CTNNA2: variants seen among roughly 807,000 people sequenced by gnomAD.
CTNNA2 encodes catenin alpha-2.
CTNNA2 carries 42 observed loss-of-function variants against 101.0 expected under a neutral mutation model. The ratio of observed to expected loss-of-function variants is 0.42; its 90% confidence interval spans 0.32 to 0.54. The LOEUF is 0.54. Among genes scored for constraint, CTNNA2 ranks in the 20% least tolerant of loss-of-function variants. CTNNA2 has a pLI of 0.14. For missense variants in CTNNA2, 871 were observed against 1,223.1 expected (o/e 0.71, Z 4.29); for synonymous variants, 450 against 456.4 (o/e 0.99, Z 0.18).
At chr2:80,170,517 G>A (rs145557016) in intron 7 of CTNNA2, among the ~76,000 whole-genome samples, 167 of 152,260 alleles carry the variant, frequency 1.1e-3, no homozygotes, top group Non-Finnish European at 1.7e-3. Context: ...AGGCAGGACT[G>A]ACTCCAGTCT....
chr2:79,213,699 G>A (rs1228101792), intron 2 of CTNNA2, among the ~76,000 whole-genome samples: 1 of 152,200 alleles, frequency 6.6e-6, no homozygotes, highest in Non-Finnish European at 1.5e-5. Context: ...GTCAGCTGTG[G>A]TATCCAGAAT....
rs1419227446 is a variant in CTNNA2 at position 79,880,327 on chromosome 2, TC to T, written c.852+5987del. On this transcript the variant is annotated intron_variant, in intron 6 of 18. Transcript: ENST00000402739. The stretch of plus-strand genomic sequence containing the variant: ...GTTTCAGTATCAAGATGATGCGGGC[TC>T]CATAAAATGAGTTAGGGAGGAGTCC... 7.2e-5 allele frequency among the ~76,000 whole-genome samples: 11 copies of T among 152,268 alleles called. No homozygotes were observed. In the South Asian group the frequency reaches 2.3e-3, roughly 32 times the overall value.
In CTNNA2 at chr2:79,366,342, C is replaced by T. The variant is rs574160367; in HGVS notation, c.-317-7489C>T. 7.2e-5 allele frequency among the ~76,000 whole-genome samples: 11 copies of T among 152,226 alleles called. No individual in the cohort carries two copies. In the South Asian group the frequency reaches 1.9e-3, roughly 26 times the overall value. On this transcript the variant is annotated intron_variant, in intron 3 of 21. Transcript: ENST00000466387. Reference sequence around the variant, plus strand: ...GTTTTCATACAAGTGGAACACAGGCCGGCTAGGAACAAAGATTTTTCTTCC... The same window carrying T: ...GTTTTCATACAAGTGGAACACAGGCTGGCTAGGAACAAAGATTTTTCTTCC...
chr2:79,526,482 C>T (rs375264011), intron 1 of CTNNA2, among the ~76,000 whole-genome samples: 2 of 151,528 alleles, frequency 1.3e-5, no homozygotes, highest in Admixed American at 6.6e-5. Context: ...TTGCTATGCT[C>T]ATTCTAAAAT....
chr2:79,544,238 G>C (rs1673593468), intron 1 of CTNNA2, among the ~76,000 whole-genome samples: 2 of 152,124 alleles, frequency 1.3e-5, no homozygotes, highest in Non-Finnish European at 2.9e-5. Context: ...GCGCCCAGCT[G>C]GTTTGGGAAA....
intron 1 of CTNNA2, among the ~76,000 whole-genome samples, chr2:79,553,070 A>G (rs1404471690): frequency 6.6e-6 from 1 of 151,660 alleles, no homozygotes; most frequent in Non-Finnish European, 1.5e-5. Flanking sequence ...AACTTTTACA[A>G]CTCTGCTTCC....
chr2:80,345,876 C>A (rs944507025), intron 7 of CTNNA2, among the ~76,000 whole-genome samples: 16 of 152,028 alleles, frequency 1.1e-4, no homozygotes, highest in Non-Finnish European at 1.0e-4. Flanking sequence ...CATACGTGGC[C>A]TAGAGGAAGA....
intron 2 of CTNNA2, among the ~76,000 whole-genome samples, chr2:79,296,295 T>C (rs1675978111): frequency 6.6e-6 from 1 of 152,180 alleles, no homozygotes; most frequent in Non-Finnish European, 1.5e-5. Flanking sequence ...CAGTGCTCTT[T>C]TCACCAATCT....
intron 9 of CTNNA2, among the ~76,000 whole-genome samples, chr2:80,500,007 GT>G: frequency 6.6e-6 from 1 of 150,880 alleles, no homozygotes; most frequent in Non-Finnish European, 1.5e-5. Context: ...TCCTTGCCAT[GT>G]AAGTCTTAAA....
chr2:80,570,476 T>C (rs1274680823), intron 12 of CTNNA2, among the ~76,000 whole-genome samples: 1 of 152,188 alleles, frequency 6.6e-6, no homozygotes, highest in Non-Finnish European at 1.5e-5. Context: ...TGAACTGTGC[T>C]TAGGATTGGT....
chr2:79,687,812 C>T (rs1038571673), intron 2 of CTNNA2: 4 of 454,926 alleles, frequency 8.8e-6, no homozygotes, highest in African/African-American at 6.2e-5. Flanking sequence ...ATGGATTTCA[C>T]ACTTAGGGTT....
At chr2:79,650,804 A>G (rs988659003) in intron 1 of CTNNA2, among the ~76,000 whole-genome samples, 1 of 97,562 alleles carries the variant, frequency 1.0e-5, no homozygotes, top group Admixed American at 1.4e-4. Context: ...ACCCCACAAC[A>G]GTCCCCAGAG....
intron 4 of CTNNA2, among the ~76,000 whole-genome samples, chr2:79,395,196 C>A (rs1678216242): frequency 6.6e-6 from 1 of 151,754 alleles, no homozygotes; most frequent in Admixed American, 6.6e-5. Context: ...TCTAAGTCAC[C>A]TTTCCTAAGG....
intron 2 of CTNNA2, among the ~76,000 whole-genome samples, chr2:79,226,093 C>CT (rs1674405231): frequency 6.6e-6 from 1 of 152,112 alleles, no homozygotes; most frequent in South Asian, 2.1e-4. Context: ...CCCTGGATAG[C>CT]TCTCTACACA....
At chr2:79,506,467 C>G (rs1671416405) in intron 5 of CTNNA2, among the ~76,000 whole-genome samples, 1 of 152,098 alleles carries the variant, frequency 6.6e-6, no homozygotes, top group Non-Finnish European at 1.5e-5. Flanking sequence ...AGGCTATAAA[C>G]CCACCTGTAC....
At chr2:79,398,986 A>G (rs1357692107) in intron 4 of CTNNA2, among the ~76,000 whole-genome samples, 1 of 152,080 alleles carries the variant, frequency 6.6e-6, no homozygotes, top group Non-Finnish European at 1.5e-5. Context: ...ATGGTAGACT[A>G]TGAGCCATTG....
chr2:79,619,793 T>G (rs1392583431), intron 1 of CTNNA2, among the ~76,000 whole-genome samples: 1 of 152,194 alleles, frequency 6.6e-6, no homozygotes, highest in Non-Finnish European at 1.5e-5. Flanking sequence ...GCCGAAAATT[T>G]GCACAGCAAT....
chr2:80,619,331 G>A, intron 18 of CTNNA2, 103 bp downstream of exon 18: 3 of 1,287,598 alleles, frequency 2.3e-6, no homozygotes, highest in Non-Finnish European at 2.0e-6. Flanking sequence ...CCCACTGAAG[G>A]CCTCTTAATA....
intron 7 of CTNNA2, among the ~76,000 whole-genome samples, chr2:80,274,365 G>A (rs890891279): frequency 3.3e-5 from 5 of 152,112 alleles, no homozygotes; most frequent in Non-Finnish European, 5.9e-5. Context: ...AATAGTCTTC[G>A]TGCTGGAGCT....
Sources: gnomAD v4.1 joint callset for allele counts (sites outside exome capture counted in the v4.1 genomes callset) on GRCh38, gnomAD v4.1.1 for gene constraint, MANE v1.5 for transcripts, NCBI Gene and HGNC (gene_info 2026-07-23, HGNC 2026-07-21) for gene names.